Variants in ERC1 observed in about 807,000 individuals in gnomAD.
The protein encoded by ERC1 is RAB6 interacting protein 2.
Under a neutral mutation model 132.0 loss-of-function variants are expected in ERC1, and 56 were observed. The observed-to-expected ratio is 0.42, with a 90% CI of 0.34 to 0.53. The LOEUF is 0.53. Ranked by LOEUF, ERC1 falls within the 20% of genes least tolerant of loss-of-function variation. The pLI, the probability that ERC1 is intolerant of heterozygous loss-of-function variation, is 0.03. For synonymous variants in ERC1, 478 were observed against 476.1 expected (o/e 1.00, Z -0.05); for missense variants, 1,202 against 1,349.9 (o/e 0.89, Z 1.72).
intron 3 of ERC1, among the ~76,000 whole-genome samples, chr12:1,091,612 C>G (rs1943230876): frequency 6.6e-6 from 1 of 152,182 alleles, no homozygotes; most frequent in Non-Finnish European, 1.5e-5. Context: ...GCAAACAAAT[C>G]CATGCTGTCT....
intron 7 of ERC1, among the ~76,000 whole-genome samples, chr12:1,136,413 A>G (rs996235914): frequency 1.3e-5 from 2 of 152,196 alleles, no homozygotes; most frequent in Non-Finnish European, 2.9e-5. Context: ...GTACTTTTAG[A>G]AAATATTCTC....
At chr12:1,113,966 C>T (rs1336984747) in intron 6 of ERC1, among the ~76,000 whole-genome samples, 1 of 152,078 alleles carries the variant, frequency 6.6e-6, no homozygotes, top group Non-Finnish European at 1.5e-5. Context: ...TAATGTCTTC[C>T]CTTCTCAGTC....
At chr12:1,395,358 A>G (rs535284671) in intron 16 of ERC1, among the ~76,000 whole-genome samples, 27 of 152,206 alleles carry the variant, frequency 1.8e-4, no homozygotes, top group Middle Eastern at 6.9e-3. Context: ...TGGCCTTGCC[A>G]GAAAACAGGA....
intron 6 of ERC1, 167 bp from the exon 7 acceptor site, chr12:1,115,697 CAG>C: frequency 2.1e-6 from 1 of 470,498 alleles, no homozygotes; most frequent in Non-Finnish European, 3.6e-6. Context: ...TTTTTTGGCT[CAG>C]GGTTGGGGAG....
rs144718163 is a variant in ERC1, at chr12:1,319,155, T to C, written c.2780+29143T>C. Among the ~76,000 whole-genome samples the C allele has an allele frequency of 7.9e-5, 12 of 152,292 alleles. No individual in the cohort carries two copies. In the East Asian group the frequency reaches 2.3e-3, roughly 29 times the overall value. ...TATTTTATGTTCTATAGTGATACTT[T>C]CTTCATTTTTCATCCCTTCATCTCA... On this transcript the variant is annotated intron_variant, in intron 15 of 18. Transcript: ENST00000360905.
intron 12 of ERC1, among the ~76,000 whole-genome samples, chr12:1,199,630 T>G (rs1339444692): frequency 6.6e-6 from 1 of 151,686 alleles, no homozygotes. Context: ...AAAAAAAAAT[T>G]AGCCGGGCAT....
At chr12:1,438,954 A>AAATATATAT (rs1015181197) in intron 17 of ERC1, among the ~76,000 whole-genome samples, 8 of 143,492 alleles carry the variant, frequency 5.6e-5, no homozygotes, top group Non-Finnish European at 1.1e-4. Context: ...TTTAAAAAAA[A>AAATATATAT]ATATATATAT....
At chr12:1,061,989 CTTTTTT>C (rs896825718) in intron 2 of ERC1, among the ~76,000 whole-genome samples, 197 of 117,400 alleles carry the variant, frequency 1.7e-3, no homozygotes, top group Non-Finnish European at 1.8e-3. Context: ...TTCTTTTCTT[CTTTTTT>C]TTTTTTTTTT....
Position 1,493,548 on chromosome 12 carries a change from A to AAAATATATATATATATATATAT in ERC1, c.*3319_*3320insAATATATATATATATATATATA, listed in dbSNP as rs56939346. 2 of 13,622 alleles carry AAAATATATATATATATATATAT rather than the reference A, an allele frequency of 1.5e-4. No individual in the cohort carries two copies. The highest frequency in any genetic ancestry group is 4.4e-4 in the African/African-American group (2 of 4,564). 0.8% of individuals were successfully genotyped at this position (13,622 alleles called of 1,614,324 possible). ...ACTCCATTTAAAAAAAAAAAAAAAA[A>AAAATATATATATATATATATAT]ATATATATATATATATATATATATA... On this transcript the variant is annotated 3_prime_UTR_variant, in exon 19 of 19. Transcript: ENST00000360905.
chr12:1,394,342 G>A (rs1198556336), intron 16 of ERC1, among the ~76,000 whole-genome samples: 2 of 152,158 alleles, frequency 1.3e-5, no homozygotes, highest in Non-Finnish European at 2.9e-5. Context: ...GGAGCTTGCA[G>A]TGAGCCGAGA....
At chr12:1,111,095 C>T (rs1455263732) in intron 5 of ERC1, among the ~76,000 whole-genome samples, 1 of 152,082 alleles carries the variant, frequency 6.6e-6, no homozygotes, top group Non-Finnish European at 1.5e-5. Context: ...TTGCCCTATC[C>T]TGTGGGGAAG....
In ERC1 at chr12:1,401,036, C is replaced by T. The variant is rs376164108; in HGVS notation, c.2926-7113C>T. Among the ~76,000 whole-genome samples the T allele has an allele frequency of 1.4e-4, 20 of 147,838 alleles. No homozygotes were observed. The East Asian group carries it at 1.8e-3, about 13-fold the overall frequency. On this transcript the variant is annotated intron_variant, in intron 16 of 18. Coordinates refer to ENST00000360905, the MANE Select transcript of ERC1 (RefSeq NM_178040.4). ...CTGCAAGCTCCACCTCCCGGGTTCACGCCATTCTCCTGCCTCAGCCTCCCG... is the reference window on the plus strand; with the variant it reads ...CTGCAAGCTCCACCTCCCGGGTTCATGCCATTCTCCTGCCTCAGCCTCCCG...
chr12:1,094,857 G>T (rs1386450563), intron 3 of ERC1, among the ~76,000 whole-genome samples: 1 of 152,140 alleles, frequency 6.6e-6, no homozygotes, highest in Non-Finnish European at 1.5e-5. Flanking sequence ...ACGAAAAAGT[G>T]GTAACAGTTC....
chr12:1,001,946 C>CGTCT (rs1962420109), intron 1 of ERC1, among the ~76,000 whole-genome samples: 1 of 149,918 alleles, frequency 6.7e-6, no homozygotes, highest in Non-Finnish European at 1.5e-5. Context: ...CTGCAACCAC[C>CGTCT]GTCTCCTGGG....
chr12:1,491,431 T>C lies in ERC1; in HGVS notation c.*1201T>C, dbSNP rs2094317853. ...GAATATTTATGAAATGCCTACTGTG[T>C]GCAAGTCATCCATCCTTGAAAAGGC... On this transcript the variant is annotated 3_prime_UTR_variant, in exon 19 of 19. Transcript: ENST00000360905. 8.7e-6 allele frequency: 2 copies of C among 230,776 alleles called. No individual in the cohort carries two copies. The highest frequency in any genetic ancestry group is 4.4e-5 in the African/African-American group (2 of 45,234). 14.3% of individuals were successfully genotyped at this position (230,776 alleles called of 1,614,324 possible).
chr12:1,311,021 G>A (rs1373761292), intron 15 of ERC1, among the ~76,000 whole-genome samples: 1 of 152,232 alleles, frequency 6.6e-6, no homozygotes, highest in Non-Finnish European at 1.5e-5. Context: ...TAACTCACAA[G>A]GGAGGGAGAC....
At chr12:1,201,658 G>A (rs1279329856) in intron 12 of ERC1, among the ~76,000 whole-genome samples, 1 of 152,182 alleles carries the variant, frequency 6.6e-6, no homozygotes, top group Non-Finnish European at 1.5e-5. Context: ...ACCCGGAAAT[G>A]TAAACCTAGG....
intron 3 of ERC1, among the ~76,000 whole-genome samples, chr12:1,101,222 C>A (rs1315848733): frequency 1.3e-5 from 2 of 152,148 alleles, no homozygotes; most frequent in Non-Finnish European, 2.9e-5. Flanking sequence ...AAACTTAGTT[C>A]CTGGAGTGCA....
chr12:1,007,540 C>CTCTCTCTCTCTGTGTGTGTG (rs1555194875), intron 1 of ERC1, among the ~76,000 whole-genome samples: 70 of 122,774 alleles, frequency 5.7e-4, no homozygotes, highest in African/African-American at 1.6e-3. Flanking sequence ...CTCTCTCTCT[C>CTCTCTCTCTCTGTGTGTGTG]TGTGTGTGTG....
Sources: allele counts gnomAD v4.1 joint callset (sites outside exome capture counted in the v4.1 genomes callset), GRCh38; gene constraint gnomAD v4.1.1; transcripts MANE v1.5; gene names NCBI Gene and HGNC (gene_info 2026-07-23, HGNC 2026-07-21).